The following YAF2 variants were observed in gnomAD, a reference collection of about 807,000 sequenced individuals.
YAF2 encodes the protein YY1-associated factor 2.
Under a neutral mutation model 20.1 loss-of-function variants are expected in YAF2, and 7 were observed. The ratio of observed to expected loss-of-function variants is 0.35; its 90% confidence interval spans 0.20 to 0.65. The LOEUF is 0.65. Among genes scored for constraint, YAF2 ranks in the 30% least tolerant of loss-of-function variants. YAF2 has a pLI of 0.69. For missense variants in YAF2, 151 were observed against 219.2 expected (o/e 0.69, Z 1.96); for synonymous variants, 74 against 76.0 (o/e 0.97, Z 0.14).
At chr12:42,162,346 T>C (rs2065817661) in intron 2 of YAF2, among the ~76,000 whole-genome samples, 1 of 152,204 alleles carries the variant, frequency 6.6e-6, no homozygotes, top group Non-Finnish European at 1.5e-5. Context: ...CTCATCTACT[T>C]GCTAACTTAC....
intron 2 of YAF2, chr12:42,234,719 G>C (rs2068090975): frequency 1.0e-6 from 1 of 984,310 alleles, no homozygotes; most frequent in Admixed American, 6.1e-5. Context: ...GCCGAATGGT[G>C]GCTCATTCCT....
intron 2 of YAF2, among the ~76,000 whole-genome samples, chr12:42,226,168 C>T (rs542641104): frequency 8.5e-5 from 13 of 152,246 alleles, no homozygotes; most frequent in African/African-American, 3.1e-4. Flanking sequence ...TCTTAATACG[C>T]TGTACACTTT....
At chr12:42,189,738 A>T (rs1281315349) in intron 2 of YAF2, among the ~76,000 whole-genome samples, 1 of 152,202 alleles carries the variant, frequency 6.6e-6, no homozygotes, top group Non-Finnish European at 1.5e-5. Flanking sequence ...AGTATTAATT[A>T]GTATTAATTA....
intron 2 of YAF2, among the ~76,000 whole-genome samples, chr12:42,169,787 G>A (rs2066000402): frequency 6.6e-6 from 1 of 152,184 alleles, no homozygotes; most frequent in South Asian, 2.1e-4. Flanking sequence ...TATTGGAGTG[G>A]TGGAGCTACA....
In YAF2 at chr12:42,173,044, G is replaced by C. The variant is rs551547084; in HGVS notation, c.153-11279C>G. Among the ~76,000 whole-genome samples the C allele has an allele frequency of 1.6e-4, 24 of 152,218 alleles. No homozygotes were observed. The South Asian group carries it at 4.6e-3, about 29-fold the overall frequency. On this transcript the variant is annotated intron_variant, in intron 2 of 3. Transcript: ENST00000534854. ...CAAATGGACATGAGAGAGGGAGAGA[G>C]AGACAGAGAGAGAGAGAGGGAGAGA...
At chr12:42,195,644 T>C (rs2066729481) in intron 2 of YAF2, among the ~76,000 whole-genome samples, 1 of 152,200 alleles carries the variant, frequency 6.6e-6, no homozygotes, top group Admixed American at 6.5e-5. Context: ...ATATTTACAA[T>C]GTACCTATTT....
At chr12:42,206,091 C>T (rs540336545) in intron 2 of YAF2, among the ~76,000 whole-genome samples, 3 of 152,180 alleles carry the variant, frequency 2.0e-5, no homozygotes, top group Middle Eastern at 6.8e-3. Flanking sequence ...CTGCATTTCT[C>T]TGTGCTTGTC....
At chr12:42,228,609 G>T (rs2067859230) in intron 2 of YAF2, among the ~76,000 whole-genome samples, 2 of 100,652 alleles carry the variant, frequency 2.0e-5, no homozygotes, top group Admixed American at 1.7e-4. Context: ...GAGGGAGGTG[G>T]GGGTGTCAGC....
At chr12:42,179,789 C>CA (rs71084622) in intron 2 of YAF2, among the ~76,000 whole-genome samples, 29,833 of 85,424 alleles carry the variant, frequency 0.35, 4,963 homozygotes, top group South Asian at 0.45. Flanking sequence ...GTCTAAAAGG[C>CA]AAAAAAAAAA....
At chr12:42,223,327 T>TAC (rs548568577) in intron 2 of YAF2, among the ~76,000 whole-genome samples, 26 of 131,704 alleles carry the variant, frequency 2.0e-4, no homozygotes, top group African/African-American at 7.3e-4. Context: ...TTCTTTAAAA[T>TAC]ACATACACAC....
intron 2 of YAF2, among the ~76,000 whole-genome samples, chr12:42,175,464 G>T (rs1315868936): frequency 6.6e-6 from 1 of 151,486 alleles, no homozygotes; most frequent in Non-Finnish European, 1.5e-5. Flanking sequence ...AGTTTCACAG[G>T]TATATTCATA....
chr12:42,163,957 G>T (rs1166235871), intron 2 of YAF2, among the ~76,000 whole-genome samples: 1 of 152,164 alleles, frequency 6.6e-6, no homozygotes, highest in Non-Finnish European at 1.5e-5. Context: ...TTAGAGGTAG[G>T]AAATAGTTAA....
chr12:42,234,404 G>A, intron 2 of YAF2: 1 of 985,000 alleles, frequency 1.0e-6, no homozygotes, highest in Non-Finnish European at 1.2e-6. Flanking sequence ...TGACCTGTTG[G>A]GTATAACGTT....
At chr12:42,185,922 G>A (rs562370951) in intron 2 of YAF2, among the ~76,000 whole-genome samples, 26 of 152,236 alleles carry the variant, frequency 1.7e-4, no homozygotes, top group Admixed American at 1.2e-3. Flanking sequence ...AGGCTGGGCC[G>A]GGCACAGTGG....
At chr12:42,189,029 T>C (rs1437566543) in intron 2 of YAF2, among the ~76,000 whole-genome samples, 5 of 152,114 alleles carry the variant, frequency 3.3e-5, no homozygotes, top group Non-Finnish European at 7.3e-5. Context: ...AGAGTGGAAA[T>C]GTGTCAGGAA....
chr12:42,172,614 C>T (rs1483906637), intron 2 of YAF2, among the ~76,000 whole-genome samples: 1 of 152,130 alleles, frequency 6.6e-6, no homozygotes, highest in African/African-American at 2.4e-5. Context: ...ATTCTGAAGT[C>T]TGCACAGGAG....
At chr12:42,233,261 C>T in intron 2 of YAF2, 1 of 985,372 alleles carries the variant, frequency 1.0e-6, no homozygotes, top group Non-Finnish European at 1.2e-6. Flanking sequence ...TATCCTCTAA[C>T]AAAATGTAAC....
chr12:42,218,864 G>A (rs2067436034), intron 2 of YAF2, among the ~76,000 whole-genome samples: 1 of 151,866 alleles, frequency 6.6e-6, no homozygotes, highest in South Asian at 2.1e-4. Context: ...GAAGATGAGT[G>A]GGGGGAAAAA....
At chr12:42,235,461 A>C (rs1423099777) in intron 2 of YAF2, 6 of 1,206,188 alleles carry the variant, frequency 5.0e-6, no homozygotes, top group Non-Finnish European at 5.2e-6. Flanking sequence ...ATACAAACAC[A>C]GATTCTACCC....
Sources: gnomAD v4.1 joint callset for allele counts (sites outside exome capture counted in the v4.1 genomes callset) on GRCh38, gnomAD v4.1.1 for gene constraint, MANE v1.5 for transcripts, NCBI Gene and HGNC (gene_info 2026-07-23, HGNC 2026-07-21) for gene names.